The following NEDD4L variants were observed in gnomAD, a reference collection of about 807,000 sequenced individuals.
NEDD4L encodes the protein NEDD4 like E3 ubiquitin protein ligase, also known as E3 ubiquitin-protein ligase NEDD4-like.
A neutral mutation model predicts 148.9 loss-of-function variants in NEDD4L; 54 were observed. The observed-to-expected ratio is 0.36, with a 90% CI of 0.29 to 0.45. The LOEUF (loss-of-function observed/expected upper bound fraction) is 0.45. Among genes scored for constraint, NEDD4L ranks in the 20% least tolerant of loss-of-function variants. The pLI is 1.00. For synonymous variants in NEDD4L, 433 were observed against 440.7 expected (o/e 0.98, Z 0.22); for missense variants, 856 against 1,233.8 (o/e 0.69, Z 4.59).
chr18:58,068,936 A>G (rs773645369), intron 1 of NEDD4L, among the ~76,000 whole-genome samples: 6 of 152,192 alleles, frequency 3.9e-5, no homozygotes, highest in Non-Finnish European at 5.9e-5. Flanking sequence ...CAGGAGTTCA[A>G]GATCAGCCTG....
intron 5 of NEDD4L, among the ~76,000 whole-genome samples, chr18:58,267,191 G>GTTAAT (rs1295717874): frequency 2.0e-5 from 3 of 152,056 alleles, no homozygotes; most frequent in Admixed American, 6.5e-5. Context: ...TGCTCCTGAA[G>GTTAAT]TTAACATAGT....
rs375065890 is a variant in NEDD4L at position 58,389,102 on chromosome 18, C to T, written c.2565C>T (p.Leu855=). 113 of 1,613,926 alleles carry T rather than the reference C, an allele frequency of 7.0e-5. No homozygotes were observed. Among genetic ancestry groups the T allele is most frequent in the East Asian group, 5.8e-4 (26 of 44,886 alleles). ...CTTCCTAGTTGCTCATGTGCGGCCT[C>T]GGTGATGTGGATGTGAATGACTGGA... is the stretch of plus-strand genomic sequence containing the variant. ...ENELELLMCG[L]GDVDVNDWRQ... Residue 855 remains leucine (L), a synonymous_variant, in exon 28 of 31, where the codon CTC becomes CTT. Transcript: ENST00000400345.
At chr18:58,242,337 T>A (rs886534675) in intron 2 of NEDD4L, among the ~76,000 whole-genome samples, 4 of 152,186 alleles carry the variant, frequency 2.6e-5, no homozygotes, top group African/African-American at 9.7e-5. Flanking sequence ...ATACATGATT[T>A]TCTCTGGTCT....
At chr18:58,129,925 T>G (rs976873094) in intron 1 of NEDD4L, among the ~76,000 whole-genome samples, 25 of 148,638 alleles carry the variant, frequency 1.7e-4, no homozygotes, top group African/African-American at 6.0e-4. Flanking sequence ...TGTGATCTAG[T>G]GGAACTGTGG....
chr18:58,219,943 TA>T (rs2043558831), intron 2 of NEDD4L, among the ~76,000 whole-genome samples: 1 of 152,252 alleles, frequency 6.6e-6, no homozygotes, highest in Non-Finnish European at 1.5e-5. Context: ...TTGTGGTTCT[TA>T]TTTTTTTAAC....
intron 5 of NEDD4L, among the ~76,000 whole-genome samples, chr18:58,259,762 A>G (rs1200963644): frequency 6.6e-6 from 1 of 152,168 alleles, no homozygotes; most frequent in Non-Finnish European, 1.5e-5. Context: ...CACCTACTGC[A>G]TATGCTATTG....
rs117752169 is a variant in NEDD4L, at chr18:58,310,152, G to A, written c.298-5830G>A. Among the ~76,000 whole-genome samples the A allele has an allele frequency of 1.4e-3, 219 of 152,340 alleles. 1 individual carries two copies. Among genetic ancestry groups the A allele is most frequent in the Non-Finnish European group, 2.7e-3 (181 of 68,024 alleles). ...TTCCTGGTTGTAGGTACAGCCAGCA[G>A]GGTTGAGTTCTGCTGCCTTCCAGCA... On this transcript the variant is annotated intron_variant, in intron 5 of 30. Transcript: ENST00000400345.
intron 8 of NEDD4L, among the ~76,000 whole-genome samples, chr18:58,324,522 G>C (rs2059134898): frequency 6.6e-6 from 1 of 152,222 alleles, no homozygotes; most frequent in African/African-American, 2.4e-5. Flanking sequence ...TGTGCCATGA[G>C]TTCTGTTAGA....
At chr18:58,215,426 A>G (rs531057257) in intron 2 of NEDD4L, among the ~76,000 whole-genome samples, 1 of 152,140 alleles carries the variant, frequency 6.6e-6, no homozygotes, top group Middle Eastern at 3.4e-3. Flanking sequence ...TCCAGTGCCA[A>G]CTCACATCCT....
At chr18:58,348,603 C>T (rs1331860535) in intron 16 of NEDD4L, among the ~76,000 whole-genome samples, 1 of 152,112 alleles carries the variant, frequency 6.6e-6, no homozygotes, top group East Asian at 1.9e-4. Context: ...CATGAGCCAT[C>T]GTGCCCGGCC....
intron 1 of NEDD4L, among the ~76,000 whole-genome samples, chr18:58,072,857 G>GGCGC (rs563017835): frequency 5.7e-5 from 8 of 139,600 alleles, no homozygotes; most frequent in African/African-American, 8.2e-5. Context: ...AAAATCCTAA[G>GGCGC]GCGCGCGCGC....
chr18:58,297,893 CT>C (rs2055885907), intron 5 of NEDD4L, among the ~76,000 whole-genome samples: 1 of 152,188 alleles, frequency 6.6e-6, no homozygotes, highest in African/African-American at 2.4e-5. Context: ...GTCTCCGAGT[CT>C]TTTCCCGGGA....
chr18:58,262,325 T>C (rs1015531699), intron 5 of NEDD4L, among the ~76,000 whole-genome samples: 7 of 152,188 alleles, frequency 4.6e-5, no homozygotes, highest in African/African-American at 1.7e-4. Context: ...CTATTTGTGA[T>C]AAAATGTTTT....
At chr18:58,202,585 C>T (rs147926423) in intron 2 of NEDD4L, among the ~76,000 whole-genome samples, 3 of 152,352 alleles carry the variant, frequency 2.0e-5, no homozygotes, top group Non-Finnish European at 2.9e-5. Flanking sequence ...CTTTTCAACA[C>T]GTGGATTTGC....
chr18:58,271,640 G>A (rs569663310), intron 5 of NEDD4L, among the ~76,000 whole-genome samples: 8 of 152,092 alleles, frequency 5.3e-5, no homozygotes, highest in Non-Finnish European at 8.8e-5. Flanking sequence ...ATAAATTAAC[G>A]AAAACCAAAT....
intron 10 of NEDD4L, 35 bp from the exon 11 acceptor site, chr18:58,330,700 CTTT>C: frequency 1.4e-6 from 1 of 709,530 alleles, no homozygotes; most frequent in African/African-American, 4.3e-5. Flanking sequence ...ATCCCTACTT[CTTT>C]CTAGTGTTTA....
At chr18:58,261,141 T>G (rs1295884716) in intron 5 of NEDD4L, among the ~76,000 whole-genome samples, 2 of 152,226 alleles carry the variant, frequency 1.3e-5, no homozygotes, top group Admixed American at 1.3e-4. Context: ...AATAAATAGC[T>G]TTGATGCTCT....
At chr18:58,382,571 G>A (rs544019677) in intron 24 of NEDD4L, among the ~76,000 whole-genome samples, 21 of 152,150 alleles carry the variant, frequency 1.4e-4, no homozygotes, top group South Asian at 4.1e-4. Context: ...CTTCCCTCAC[G>A]CTGGTTACTG....
intron 24 of NEDD4L, among the ~76,000 whole-genome samples, chr18:58,380,051 A>AT (rs909116310): frequency 5.4e-5 from 8 of 147,910 alleles, no homozygotes; most frequent in Non-Finnish European, 1.0e-4. Flanking sequence ...GTGTGGGCCC[A>AT]TTTTTTCTTT....
Sources: gnomAD v4.1 joint callset for allele counts (sites outside exome capture counted in the v4.1 genomes callset) on GRCh38, gnomAD v4.1.1 for gene constraint, MANE v1.5 for transcripts, NCBI Gene and HGNC (gene_info 2026-07-23, HGNC 2026-07-21) for gene names.